The following PTPN3 variants were observed in gnomAD, a reference collection of about 807,000 sequenced individuals.
PTPN3 encodes the protein protein tyrosine phosphatase non-receptor type 3, also known as tyrosine-protein phosphatase non-receptor type 3.
PTPN3 carries 96 observed loss-of-function variants against 132.7 expected under a neutral mutation model. The ratio of observed to expected loss-of-function variants is 0.72; its 90% CI spans 0.61 to 0.86. PTPN3 has a LOEUF of 0.86. PTPN3 is among the 40% of genes least tolerant of loss of function. PTPN3 has a pLI of 0.00. For synonymous variants in PTPN3, 398 were observed against 429.0 expected (o/e 0.93, Z 0.89); for missense variants, 1,125 against 1,159.6 (o/e 0.97, Z 0.43).
intron 8 of PTPN3, 152 bp downstream of exon 8, chr9:109,437,962 G>T: frequency 1.1e-6 from 1 of 885,102 alleles, no homozygotes; most frequent in Non-Finnish European, 1.6e-6. Context: ...AAATATATCT[G>T]CCACCATACC....
the PTPN3 span, among the ~76,000 whole-genome samples, chr9:109,505,903 C>CTA: frequency 6.6e-6 from 1 of 152,224 alleles, no homozygotes; most frequent in South Asian, 2.1e-4. Context: ...GAGCCTGCCG[C>CTA]TATGCCCGGC....
intron 14 of PTPN3, among the ~76,000 whole-genome samples, chr9:109,420,107 G>A (rs1021686436): frequency 1.3e-5 from 2 of 152,182 alleles, no homozygotes; most frequent in African/African-American, 4.8e-5. Flanking sequence ...TGTACCTCCA[G>A]AACAGGGAAT....
chr9:109,449,398 T>G, intron 5 of PTPN3: 1 of 985,742 alleles, frequency 1.0e-6, no homozygotes, highest in South Asian at 4.7e-5. Context: ...TGTGGGTGCA[T>G]GAGCAAAAGC....
intron 14 of PTPN3, chr9:109,417,725 C>A (rs1588381371): frequency 2.0e-6 from 2 of 985,282 alleles, no homozygotes; most frequent in Non-Finnish European, 2.4e-6. Context: ...GCTGTTCATC[C>A]CACTTGCAGA....
chr9:109,476,106 G>C (rs1336074311), intron 1 of PTPN3, among the ~76,000 whole-genome samples: 1 of 152,124 alleles, frequency 6.6e-6, no homozygotes, highest in Non-Finnish European at 1.5e-5. Flanking sequence ...TGCCTGTAAG[G>C]TTTTAATCCA....
At chr9:109,471,082 G>A (rs1014767919) in intron 1 of PTPN3, among the ~76,000 whole-genome samples, 48 of 146,520 alleles carry the variant, frequency 3.3e-4, no homozygotes, top group Non-Finnish European at 6.3e-4. Flanking sequence ...TTTTTGAGAT[G>A]GAGTCTCACT....
At chr9:109,421,204 G>A (rs1005772272) in intron 13 of PTPN3, among the ~76,000 whole-genome samples, 1 of 152,192 alleles carries the variant, frequency 6.6e-6, no homozygotes, top group African/African-American at 2.4e-5. Flanking sequence ...GGCAAGGCAC[G>A]TCACCTCTCT....
At chr9:109,444,830 G>A (rs1844739685) in intron 7 of PTPN3, among the ~76,000 whole-genome samples, 1 of 152,172 alleles carries the variant, frequency 6.6e-6, no homozygotes, top group African/African-American at 2.4e-5. Context: ...GTGACTCCTA[G>A]CAAATTTCTT....
chr9:109,391,077 C>T, intron 21 of PTPN3, 61 bp downstream of exon 21: 1 of 1,478,264 alleles, frequency 6.8e-7, no homozygotes, highest in East Asian at 2.3e-5. Context: ...CACACAGGCC[C>T]TCATCATCGT....
In PTPN3 at chr9:109,378,594, G is replaced by T. The variant is rs1838768580; in HGVS notation, c.*962C>A. On this transcript the variant is annotated 3_prime_UTR_variant, in exon 26 of 26. Coordinates refer to ENST00000374541, the MANE Select transcript of PTPN3 (RefSeq NM_002829.4). The stretch of plus-strand genomic sequence containing the variant: ...CCACGGCCAACCCTCCAGAAGCTGG[G>T]TTTCCCATGGTTCAATTACTAGAAG... 1.3e-5 allele frequency: 2 copies of T among 152,620 alleles called. No homozygotes were observed. The highest frequency in any genetic ancestry group is 4.8e-5 in the African/African-American group (2 of 41,422). 9.5% of individuals were successfully genotyped at this position (152,620 alleles called of 1,614,324 possible). A position where few individuals can be genotyped will look rare whatever the true frequency, so the allele number is the denominator to read the frequency against.
At chr9:109,394,451 T>C (rs1288272792) in intron 19 of PTPN3, among the ~76,000 whole-genome samples, 2 of 151,422 alleles carry the variant, frequency 1.3e-5, no homozygotes, top group African/African-American at 4.9e-5. Flanking sequence ...TGGCAGTGTT[T>C]ACATTTTTTT....
the PTPN3 span, chr9:109,534,131 T>C: frequency 1.5e-5 from 12 of 798,726 alleles, no homozygotes; most frequent in Admixed American, 2.0e-4. Flanking sequence ...TTCCTTAAGT[T>C]GAACCATTTT....
chr9:109,436,460 A>G (rs1475295876), intron 9 of PTPN3, among the ~76,000 whole-genome samples: 1 of 152,242 alleles, frequency 6.6e-6, no homozygotes, highest in Non-Finnish European at 1.5e-5. Context: ...GATTTTAACA[A>G]TTATATCACC....
rs879023258 is a variant in PTPN3 at position 109,429,175 on chromosome 9, A to C, written c.765-491T>G. 6.5e-6 allele frequency: 3 copies of C among 461,032 alleles called. No homozygotes were observed. The Admixed American group carries it at 1.9e-4, about 29-fold the overall frequency. 28.6% of individuals were successfully genotyped at this position (461,032 alleles called of 1,614,324 possible). A position where few individuals can be genotyped will look rare whatever the true frequency, so the allele number is the denominator to read the frequency against. On this transcript the variant is annotated intron_variant, in intron 10 of 25. Transcript: ENST00000374541. ...TTTTAGATACTAGGCTGCTACTAAG[A>C]GCTTTATAAACATCCCCTCAACGAA...
At chr9:109,385,358 A>G (rs1477597361) in intron 22 of PTPN3, among the ~76,000 whole-genome samples, 1 of 152,224 alleles carries the variant, frequency 6.6e-6, no homozygotes, top group Non-Finnish European at 1.5e-5. Flanking sequence ...CTCCACATTA[A>G]TGCTGCTGCA....
chr9:109,431,311 T>C (rs76681083), intron 10 of PTPN3, among the ~76,000 whole-genome samples: 3,760 of 152,144 alleles, frequency 0.025, 173 homozygotes, highest in African/African-American at 0.086. Flanking sequence ...AATGTGAGGG[T>C]CCAGCCCTTG....
At chr9:109,475,109 T>A (rs1564475185) in intron 1 of PTPN3, among the ~76,000 whole-genome samples, 1 of 152,088 alleles carries the variant, frequency 6.6e-6, no homozygotes, top group Non-Finnish European at 1.5e-5. Context: ...TGGAAGGAAG[T>A]GCCCTGTAAG....
At chr9:109,405,218 A>G (rs1412265777) in intron 18 of PTPN3, among the ~76,000 whole-genome samples, 1 of 151,650 alleles carries the variant, frequency 6.6e-6, no homozygotes, top group Non-Finnish European at 1.5e-5. Flanking sequence ...AGCTAGGACC[A>G]CCCCCCCACA....
rs55719272 is a variant in PTPN3, at chr9:109,377,395, TACACACACACACACACAC to T, written c.*2143_*2160del. On this transcript the variant is annotated 3_prime_UTR_variant, in exon 26 of 26. Coordinates refer to ENST00000374541, the MANE Select transcript of PTPN3 (RefSeq NM_002829.4). Reference sequence around the variant, plus strand: ...AGGCAACACATCAAGATCCTGTCTCTACACACACACACACACACACACACACACACACACACACACACA... The same window carrying T: ...AGGCAACACATCAAGATCCTGTCTCTACACACACACACACACACACACACA... The T allele has an allele frequency of 0.061, 6,534 of 106,884 alleles. 294 individuals are homozygous for T. Among genetic ancestry groups the T allele is most frequent in the East Asian group, 0.18 (659 of 3,714 alleles). 6.6% of individuals were successfully genotyped at this position (106,884 alleles called of 1,614,324 possible). A position where few individuals can be genotyped will look rare whatever the true frequency, so the allele number is the denominator to read the frequency against.
Sources: allele counts gnomAD v4.1 joint callset (sites outside exome capture counted in the v4.1 genomes callset), GRCh38; gene constraint gnomAD v4.1.1; transcripts MANE v1.5; gene names NCBI Gene and HGNC (gene_info 2026-07-23, HGNC 2026-07-21).